RUNDC3B: variants seen among roughly 807,000 people sequenced by gnomAD.
RUNDC3B encodes the protein RUN domain containing 3B.
Under a neutral mutation model 58.4 loss-of-function variants are expected in RUNDC3B, and 33 were observed. The ratio of observed to expected loss-of-function variants is 0.56; its 90% CI spans 0.43 to 0.75. The LOEUF is 0.75. Among genes scored for constraint, RUNDC3B ranks in the 30% least tolerant of loss-of-function variants. The pLI is 0.00. For missense variants in RUNDC3B, 501 were observed against 535.7 expected (o/e 0.94, Z 0.64); for synonymous variants, 193 against 195.2 (o/e 0.99, Z 0.10).
Position 87,820,215 on chromosome 7 carries a change from G to A in RUNDC3B, c.1225+3953G>A, listed in dbSNP as rs1168178878. ...AAATGATAAAGGGGATATCACCACC[G>A]ATCTCACAGAAATACAAACTACCAT... is the stretch of plus-strand genomic sequence containing the variant. On this transcript the variant is annotated intron_variant, in intron 10 of 10. Coordinates refer to ENST00000394654, the MANE Select transcript of RUNDC3B (RefSeq NM_001134405.2). Among the ~76,000 whole-genome samples, 3 of 152,150 alleles carry A rather than the reference G, an allele frequency of 2.0e-5. No individual in the cohort carries two copies. The East Asian group carries it at 5.8e-4, about 29-fold the overall frequency.
At chr7:87,657,866 C>T (rs1254680495) in intron 2 of RUNDC3B, among the ~76,000 whole-genome samples, 2 of 152,150 alleles carry the variant, frequency 1.3e-5, no homozygotes, top group African/African-American at 4.8e-5. Context: ...TGAACTTCAT[C>T]CTCCACTTGG....
At chr7:87,636,455 C>T (rs190762868) in intron 1 of RUNDC3B, among the ~76,000 whole-genome samples, 1 of 152,206 alleles carries the variant, frequency 6.6e-6, no homozygotes, top group Non-Finnish European at 1.5e-5. Context: ...GTTCTTTGTA[C>T]ATTCTGTATG....
intron 10 of RUNDC3B, among the ~76,000 whole-genome samples, chr7:87,826,446 C>T (rs1837812835): frequency 6.6e-6 from 1 of 151,058 alleles, no homozygotes; most frequent in South Asian, 2.1e-4. Context: ...ATCAAGTATG[C>T]CTTATCAGCA....
chr7:87,758,023 A>C (rs559466298), intron 6 of RUNDC3B, among the ~76,000 whole-genome samples: 1 of 152,322 alleles, frequency 6.6e-6, no homozygotes, highest in East Asian at 1.9e-4. Context: ...TTAAAGACTT[A>C]AATTTAAGAC....
rs946526236 is a variant in RUNDC3B, at chr7:87,789,640, G to A, written c.956+11685G>A. Among the ~76,000 whole-genome samples, 12 of 152,204 alleles carry A rather than the reference G, an allele frequency of 7.9e-5. 1 individual carries two copies. The highest frequency in any genetic ancestry group is 3.9e-4 in the Admixed American group (6 of 15,284). ...GTTAATATGTATTATATAATCTACT[G>A]CCCATATATGGATGAAAAATCAAGA... is the stretch of plus-strand genomic sequence containing the variant. On this transcript the variant is annotated intron_variant, in intron 8 of 10. Transcript: ENST00000394654.
chr7:87,742,983 A>G (rs1322345379), intron 6 of RUNDC3B, among the ~76,000 whole-genome samples: 1 of 152,010 alleles, frequency 6.6e-6, no homozygotes, highest in Non-Finnish European at 1.5e-5. Flanking sequence ...GTGTGGTGGC[A>G]CGCGCCTGTA....
chr7:87,696,290 G>T (rs930367287), intron 2 of RUNDC3B, among the ~76,000 whole-genome samples: 2 of 152,110 alleles, frequency 1.3e-5, no homozygotes, highest in Non-Finnish European at 2.9e-5. Context: ...GGAAGTCAAA[G>T]TATTTGAGGA....
chr7:87,637,759 C>G (rs1025093800), intron 1 of RUNDC3B, among the ~76,000 whole-genome samples: 2 of 151,908 alleles, frequency 1.3e-5, no homozygotes, highest in Non-Finnish European at 2.9e-5. Flanking sequence ...AAATACTGGT[C>G]TTATATCTAA....
At chr7:87,764,654 G>A (rs182166016) in intron 6 of RUNDC3B, among the ~76,000 whole-genome samples, 17 of 151,866 alleles carry the variant, frequency 1.1e-4, no homozygotes, top group African/African-American at 2.2e-4. Context: ...TTGATTTTCT[G>A]TTTCTGAGCT....
In RUNDC3B at chr7:87,807,281, A is replaced by G. The variant is rs1018084087; in HGVS notation, c.957-92A>G. 6.6e-6 allele frequency: 8 copies of G among 1,208,968 alleles called. No individual in the cohort carries two copies. In the African/African-American group the frequency reaches 9.2e-5, roughly 14 times the overall value. The allele number at this position is 1,208,968 out of a possible 1,614,324, so 74.9% of individuals were successfully genotyped here. A position where few individuals can be genotyped will look rare whatever the true frequency, so the allele number is the denominator to read the frequency against. ...TCTATTAACAAACCAATTTTATAAGATAAATTTTGGGGGCCTAAATTGATA... is the reference window on the plus strand; with the variant it reads ...TCTATTAACAAACCAATTTTATAAGGTAAATTTTGGGGGCCTAAATTGATA... On this transcript the variant is annotated intron_variant, in intron 8 of 10. Transcript: ENST00000394654.
intron 4 of RUNDC3B, among the ~76,000 whole-genome samples, chr7:87,715,383 AATAT>A (rs1830486494): frequency 1.0e-5 from 1 of 99,394 alleles, no homozygotes. Context: ...TTATATAATC[AATAT>A]AATATAATAT....
chr7:87,736,889 A>ATTTTT (rs869109911), intron 4 of RUNDC3B, among the ~76,000 whole-genome samples: 2 of 28,226 alleles, frequency 7.1e-5, no homozygotes, highest in Non-Finnish European at 1.1e-4. Flanking sequence ...ATATATATAT[A>ATTTTT]TTTTTTTTTT....
intron 2 of RUNDC3B, among the ~76,000 whole-genome samples, chr7:87,677,143 G>A (rs991538216): frequency 6.6e-6 from 1 of 152,014 alleles, no homozygotes; most frequent in Admixed American, 6.6e-5. Flanking sequence ...ATTGAAAGAA[G>A]ATAAAATCAG....
chr7:87,709,060 A>G (rs139041939), intron 3 of RUNDC3B, among the ~76,000 whole-genome samples: 43 of 152,274 alleles, frequency 2.8e-4, no homozygotes, highest in Admixed American at 4.6e-4. Context: ...CTTCTGTTCT[A>G]TTAAAAGTTC....
intron 6 of RUNDC3B, among the ~76,000 whole-genome samples, chr7:87,759,910 G>GT (rs1833582066): frequency 6.6e-6 from 1 of 151,640 alleles, no homozygotes. Context: ...TACCCCACCT[G>GT]TTATGTACCC....
intron 8 of RUNDC3B, among the ~76,000 whole-genome samples, chr7:87,784,599 A>G (rs1835104970): frequency 6.6e-6 from 1 of 152,052 alleles, no homozygotes; most frequent in South Asian, 2.1e-4. Flanking sequence ...GTGATGCAGT[A>G]GATGGCATTT....
intron 6 of RUNDC3B, among the ~76,000 whole-genome samples, chr7:87,746,321 G>T (rs903267503): frequency 2.0e-5 from 3 of 152,090 alleles, no homozygotes; most frequent in Admixed American, 2.0e-4. Flanking sequence ...AAGCCCATTT[G>T]CTCCAAGGTA....
At chr7:87,742,079 C>T (rs1832357914) in intron 6 of RUNDC3B, among the ~76,000 whole-genome samples, 1 of 152,092 alleles carries the variant, frequency 6.6e-6, no homozygotes, top group South Asian at 2.1e-4. Context: ...TATTCTGTTA[C>T]CAATACTGTG....
intron 2 of RUNDC3B, among the ~76,000 whole-genome samples, chr7:87,659,020 A>T (rs1343545810): frequency 6.6e-6 from 1 of 152,074 alleles, no homozygotes; most frequent in East Asian, 1.9e-4. Flanking sequence ...AGACATGGTG[A>T]TATGCGTCTG....
Sources: allele counts gnomAD v4.1 joint callset (sites outside exome capture counted in the v4.1 genomes callset), GRCh38; gene constraint gnomAD v4.1.1; transcripts MANE v1.5; gene names NCBI Gene and HGNC (gene_info 2026-07-23, HGNC 2026-07-21).